KANSL1: variants seen among roughly 807,000 people sequenced by gnomAD.
KANSL1 encodes the protein KAT8 regulatory NSL complex subunit 1, also known as MLL1/MLL complex subunit KANSL1.
A neutral mutation model predicts 103.6 loss-of-function variants in KANSL1; 22 were observed. That is an observed-to-expected ratio of 0.21 (90% CI 0.15 to 0.30). KANSL1 has a LOEUF of 0.30. Among genes scored for constraint, KANSL1 ranks in the 10% least tolerant of loss-of-function variants. KANSL1 has a pLI of 1.00. For missense variants in KANSL1, 1,337 were observed against 1,399.8 expected (o/e 0.96, Z 0.72); for synonymous variants, 600 against 527.6 (o/e 1.14, Z -1.88).
In KANSL1 at chr17:46,201,703, C is replaced by T. The variant is rs117666809; in HGVS notation, c.-90+21968G>A. On this transcript the variant is annotated intron_variant, in intron 1 of 14. Coordinates refer to the KANSL1 transcript ENST00000572904. ...CCTGGGCAACATAGTGAGACCCTAT[C>T]TCTGAAAAAAAAAAAAAAATTAAGT... Among the ~76,000 whole-genome samples, 716 of 150,074 alleles carry T rather than the reference C, an allele frequency of 4.8e-3. 2 individuals are homozygous for T. The highest frequency in any genetic ancestry group is 7.2e-3 in the Non-Finnish European group (489 of 67,660).
upstream of KANSL1, among the ~76,000 whole-genome samples, chr17:46,197,440 CGA>C (rs1256718370): frequency 2.0e-5 from 3 of 152,200 alleles, no homozygotes; most frequent in Non-Finnish European, 4.4e-5. Context: ...GCCAGGAATT[CGA>C]GACCAGCCTG....
chr17:46,115,009 A>G (rs1404313896), intron 2 of KANSL1, among the ~76,000 whole-genome samples: 1 of 152,102 alleles, frequency 6.6e-6, no homozygotes, highest in Admixed American at 6.5e-5. Flanking sequence ...AAGTCCACGA[A>G]TTTTTTTCAT....
rs539105200 is a variant in KANSL1 at position 46,217,696 on chromosome 17, C to T, written c.-90+5975G>A. ...TTAAGGTCAGGAGTTTGAGACCAGC[C>T]TGGGCAACAAGGTGCAGCCCTGTCT... is the stretch of plus-strand genomic sequence containing the variant. On this transcript the variant is annotated intron_variant, in intron 1 of 14. Transcript: ENST00000572904. Among the ~76,000 whole-genome samples, 161 of 152,352 alleles carry T rather than the reference C, an allele frequency of 1.1e-3. 2 individuals are homozygous for T. The highest frequency in any genetic ancestry group is 1.3e-4 in the Non-Finnish European group (9 of 68,042).
At chr17:46,038,304 G>A in intron 10 of KANSL1, 1 of 547,234 alleles carries the variant, frequency 1.8e-6, no homozygotes, top group Middle Eastern at 4.8e-4. Flanking sequence ...TCTATGGATG[G>A]CTCAGCATAA....
chr17:46,125,052 G>T (rs2043469297), intron 2 of KANSL1, among the ~76,000 whole-genome samples: 1 of 67,364 alleles, frequency 1.5e-5, no homozygotes, highest in Non-Finnish European at 3.1e-5. Context: ...AGGGAGGAGG[G>T]AGGGAGGAGG....
At chr17:46,166,213 C>CCAAAAAAAAAAAAAAAAAAA (rs1555573289) in intron 2 of KANSL1, among the ~76,000 whole-genome samples, 1 of 95,104 alleles carries the variant, frequency 1.1e-5, no homozygotes, top group African/African-American at 4.5e-5. Context: ...GACTCTGTCT[C>CCAAAAAAAAAAAAAAAAAAA]AAAAAAAAAA....
At position 46,050,704 on chromosome 17, in the gene KANSL1, C is replaced by G. The variant is rs1410999364; in HGVS notation, c.1849G>C (p.Val617Leu). ...GGGCGGATTGTGCTGTTCCGGTGAA[C>G]CTGTGAAAAAAGCCAAACAAAACTG... is the stretch of plus-strand genomic sequence containing the variant. The part of the protein sequence containing the change: ...PNSIVPLSKK[V>L]HRNSTIRPGC... The change falls in exon 7 of 15, where the codon GTT becomes CTT. Residue 617 changes from valine (V) to leucine (L), a missense_variant and splice_region_variant. By Grantham distance (32) the Val-to-Leu change is conservative (BLOSUM62 1). Coordinates refer to ENST00000432791, the MANE Select transcript of KANSL1 (RefSeq NM_015443.4). The G allele has an allele frequency of 6.2e-7, 1 of 1,604,148 alleles. No individual in the cohort carries two copies. Among genetic ancestry groups the G allele is most frequent in the Non-Finnish European group, 8.5e-7 (1 of 1,173,340 alleles).
At chr17:46,169,425 C>G (rs975761481) in intron 2 of KANSL1, 1 of 152,202 alleles carries the variant, frequency 6.6e-6, no homozygotes, top group African/African-American at 2.4e-5. Flanking sequence ...ATTTCAGATA[C>G]AATATCCATG....
intron 3 of KANSL1, among the ~76,000 whole-genome samples, chr17:46,089,631 A>ATGAAATG (rs1443121789): frequency 6.6e-6 from 1 of 151,654 alleles, no homozygotes; most frequent in African/African-American, 2.4e-5. Context: ...CATGGAAAAT[A>ATGAAATG]TGAACACCAA....
chr17:46,052,964 C>CAAAAAAAAAAAAAAAA (rs34473927), intron 6 of KANSL1, among the ~76,000 whole-genome samples: 8 of 33,000 alleles, frequency 2.4e-4, no homozygotes, highest in African/African-American at 3.2e-4. Flanking sequence ...ATCCTGTCTC[C>CAAAAAAAAAAAAAAAA]AAAAAAAAAA....
intron 2 of KANSL1, among the ~76,000 whole-genome samples, chr17:46,136,336 C>T (rs1158300335): frequency 6.6e-6 from 1 of 152,182 alleles, no homozygotes; most frequent in East Asian, 1.9e-4. Context: ...GTATTTTCAC[C>T]ACAAGGCTTG....
intron 2 of KANSL1, among the ~76,000 whole-genome samples, chr17:46,146,832 CAAAAAA>C (rs1023164178): frequency 1.1e-4 from 4 of 37,320 alleles, no homozygotes; most frequent in African/African-American, 2.5e-4. Flanking sequence ...GACTCCGTCT[CAAAAAA>C]AAAAAAAAAA....
intron 1 of KANSL1, among the ~76,000 whole-genome samples, chr17:46,200,757 A>G (rs2047776387): frequency 6.6e-6 from 1 of 151,960 alleles, no homozygotes; most frequent in Non-Finnish European, 1.5e-5. Flanking sequence ...ATATATATAT[A>G]TATATTTTTC....
chr17:46,140,596 A>T (rs1267386280), intron 2 of KANSL1, among the ~76,000 whole-genome samples: 1 of 152,222 alleles, frequency 6.6e-6, no homozygotes, highest in East Asian at 1.9e-4. Flanking sequence ...CAAGAAAATG[A>T]GAATACAATC....
chr17:46,035,569 G>C (rs2077123585), intron 10 of KANSL1: 1 of 152,138 alleles, frequency 6.6e-6, no homozygotes, highest in Admixed American at 6.5e-5. Context: ...TAACCAAAAT[G>C]GTTAAACAGA....
At position 46,040,031 on chromosome 17, in the gene KANSL1, A is replaced by G. The variant is rs10514897; in HGVS notation, c.2021-147T>C. ...TCATATGGAAGATCTGTTTACGTGA[A>G]CATTACTGAAGGTCATTCTTCTATT... On this transcript the variant is annotated intron_variant, in intron 7 of 14. Transcript: ENST00000432791. 0.16 allele frequency: 103,122 copies of G among 641,274 alleles called. 10,522 individuals carry two copies. The highest frequency in any genetic ancestry group is 0.21 in the Middle Eastern group (714 of 3,356). 39.7% of individuals were successfully genotyped at this position (641,274 alleles called of 1,614,324 possible). A position where few individuals can be genotyped will look rare whatever the true frequency, so the allele number is the denominator to read the frequency against.
chr17:46,170,568 G>C, intron 2 of KANSL1: 1 of 440,446 alleles, frequency 2.3e-6, no homozygotes, highest in Non-Finnish European at 3.9e-6. Context: ...CACTCTTAAA[G>C]AGGTACTAGT....
At chr17:46,196,377 T>C (rs1403375484), upstream of KANSL1, 3 of 456,280 alleles carry the variant, frequency 6.6e-6, no homozygotes, top group Admixed American at 7.0e-5. Flanking sequence ...GGAATGGCCA[T>C]GAGATGTGAG....
chr17:46,215,976 G>A (rs1181223565), intron 1 of KANSL1, among the ~76,000 whole-genome samples: 1 of 152,208 alleles, frequency 6.6e-6, no homozygotes, highest in Non-Finnish European at 1.5e-5. Context: ...GGAGGCAGAG[G>A]CTGCCGTGAG....
Sources: gnomAD v4.1 joint callset for allele counts (sites outside exome capture counted in the v4.1 genomes callset) on GRCh38, gnomAD v4.1.1 for gene constraint, MANE v1.5 for transcripts, NCBI Gene and HGNC (gene_info 2026-07-23, HGNC 2026-07-21) for gene names.